Variants in NOM1 observed in about 807,000 individuals in gnomAD.
NOM1 encodes the protein nucleolar protein with MIF4G domain 1, also known as nucleolar MIF4G domain-containing protein 1.
In NOM1, 58 loss-of-function variants were observed where a neutral mutation model predicts 73.3. The ratio of observed to expected loss-of-function variants is 0.79; its 90% CI spans 0.64 to 0.99. The LOEUF (loss-of-function observed/expected upper bound fraction) is 0.99, where lower values mean the gene tolerates loss of function less well. Ranked by LOEUF, NOM1 falls within the 50% of genes least tolerant of loss-of-function variation. The pLI is 0.00. For synonymous variants in NOM1, 487 were observed against 446.8 expected, an observed-to-expected ratio of 1.09 and a Z score of -1.14; for missense variants, 1,226 against 1,131.9, an observed-to-expected ratio of 1.08 and a Z score of -1.19.
At chr7:156,957,729 CGCA>C (rs1300802941) in intron 3 of NOM1, among the ~76,000 whole-genome samples, 2 of 92,012 alleles carry the variant, frequency 2.2e-5, no homozygotes, top group African/African-American at 8.4e-5. Context: ...GAGCCGAGAT[CGCA>C]CCACTGCACT....
Position 156,952,474 on chromosome 7 carries a change from A to C in NOM1, c.988A>C (p.Ser330Arg). ...GTAATTTATTTCTCTTTTCAAGCAG[A>C]GTCTTTGTGGAAGTGGTGAAAAGTA... The part of the protein sequence containing the change: ...SSEDGDITDK[S>R]LCGSGEKYIP... The change falls in exon 2 of 11, where the codon AGT (serine) becomes CGT (arginine). Residue 330 changes from serine (S) to arginine (R), a missense_variant and splice_region_variant. Transcript: ENST00000275820. The C allele has an allele frequency of 6.2e-7, 1 of 1,607,556 alleles. No individual in the cohort carries two copies. Among genetic ancestry groups the C allele is most frequent in the Non-Finnish European group, 8.5e-7 (1 of 1,178,366 alleles).
In NOM1 at chr7:156,972,458, G is replaced by A. The variant is rs1434698893; in HGVS notation, c.*2755G>A. On this transcript the variant is annotated 3_prime_UTR_variant, in exon 11 of 11. Transcript: ENST00000275820. ...AAAACAAAAATACCTCTCTTTGCTAGAGAGTTATATGTATGACTTAAATTA... is the reference window on the plus strand; with the variant it reads ...AAAACAAAAATACCTCTCTTTGCTAAAGAGTTATATGTATGACTTAAATTA... 1 of 109,906 alleles carries A rather than the reference G, an allele frequency of 9.1e-6. No homozygotes were observed. The highest frequency in any genetic ancestry group is 2.1e-4 in the East Asian group (1 of 4,748). The allele number at this position is 109,906 out of a possible 1,614,324, so 6.8% of individuals were successfully genotyped here.
rs768036825 is a variant in NOM1 at position 156,960,172 on chromosome 7, A to G, written c.1630A>G (p.Arg544Gly). ...AGGCAGCGAGTTTCAGGACCAGACC[A>G]GGGTACGCGTGCGACGCTTGATCTG... ...GAGSEFQDQTRIRFMLETMLA... is the reference protein window; with the variant it reads ...GAGSEFQDQTGIRFMLETMLA... Residue 544 changes from arginine (R) to glycine (G), a missense_variant and splice_region_variant, in exon 4 of 11, where the codon AGG becomes GGG. Physicochemically the swap from Arg to Gly is moderately radical, Grantham distance 125. Transcript: ENST00000275820. 9.3e-6 allele frequency: 15 copies of G among 1,609,720 alleles called. No homozygotes were observed. The highest frequency in any genetic ancestry group is 8.9e-5 in the East Asian group (4 of 44,884).
rs549459707 is a variant in NOM1 at position 156,950,270 on chromosome 7, C to T, written c.533C>T (p.Ala178Val). The T allele has an allele frequency of 1.1e-4, 171 of 1,613,888 alleles. 1 individual carries two copies. The South Asian group carries it at 1.7e-3, about 16-fold the overall frequency. The change falls in exon 1 of 11, where the codon GCG becomes GTG. Residue 178 changes from alanine (A) to valine (V), a missense_variant. Coordinates refer to ENST00000275820, the MANE Select transcript of NOM1 (RefSeq NM_138400.2). The part of the protein sequence containing the change: ...AAARKRALLA[A>V]NEEEDREIRK... ...GCCCGGAAACGGGCGCTTTTAGCGG[C>T]GAACGAGGAGGAGGACCGAGAGATC...
At chr7:156,953,420 A>G (rs570809392) in intron 2 of NOM1, among the ~76,000 whole-genome samples, 3 of 152,248 alleles carry the variant, frequency 2.0e-5, no homozygotes, top group African/African-American at 7.2e-5. Flanking sequence ...GAGTCACCGC[A>G]CCGGGGCAGT....
intron 9 of NOM1, among the ~76,000 whole-genome samples, 181 bp downstream of exon 9, chr7:156,967,273 C>A (rs1056937717): frequency 1.3e-5 from 2 of 152,222 alleles, no homozygotes; most frequent in Non-Finnish European, 2.9e-5. Flanking sequence ...ACAAATTGAT[C>A]TGGTAAATGA....
At chr7:156,962,920 C>T (rs1441543104) in intron 5 of NOM1, 88 bp from the exon 6 acceptor site, 13 of 1,406,188 alleles carry the variant, frequency 9.2e-6, no homozygotes, top group Non-Finnish European at 1.1e-5. Flanking sequence ...CCAGAAATGT[C>T]ATGGTCAAAA....
intron 3 of NOM1, chr7:156,958,784 C>T (rs1001103837): frequency 2.6e-4 from 40 of 152,324 alleles, no homozygotes; most frequent in African/African-American, 9.2e-4. Flanking sequence ...ACTTCCGCCC[C>T]TCAGGGCAGT....
chr7:156,954,656 A>G (rs1341981386), intron 3 of NOM1, among the ~76,000 whole-genome samples: 1 of 150,266 alleles, frequency 6.7e-6, no homozygotes, highest in Non-Finnish European at 1.5e-5. Context: ...GCAGGCGCAC[A>G]CCACCAGGCC....
chr7:156,953,827 T>C (rs1804653561), intron 2 of NOM1, among the ~76,000 whole-genome samples: 1 of 152,226 alleles, frequency 6.6e-6, no homozygotes, highest in African/African-American at 2.4e-5. Context: ...TATCCTCACG[T>C]ATGTTTCTGT....
In NOM1 at chr7:156,967,084, A is replaced by G. The variant is rs767388087; in HGVS notation, c.2290A>G (p.Ile764Val). Residue 764 changes from isoleucine (I) to valine (V), a missense_variant, in exon 9 of 11, where the codon ATC (isoleucine) becomes GTC (valine). Physicochemically the swap from Ile to Val is conservative, Grantham distance 29. Transcript: ENST00000275820. ...LLKTKSLSLS[I>V]LKVVEFSELD... ...GAAGACAAAATCGCTTTCCCTTTCC[A>G]TCTTAAAGGTTCGTGTAACGTGTGA... The G allele has an allele frequency of 1.5e-5, 24 of 1,612,830 alleles. No individual in the cohort carries two copies. The South Asian group carries it at 2.3e-4, about 16-fold the overall frequency.
Position 156,950,581 on chromosome 7 carries a change from G to A in NOM1, c.844G>A (p.Asp282Asn). ...GCAGGAAGCAGAAGCGCAGAGCGAG[G>A]ACGACGACGAGGATACAGAAGAGGA... ...KAQEAEAQSE[D>N]DDEDTEEEQG... The change falls in exon 1 of 11, where the codon GAC becomes AAC. Residue 282 changes from aspartate to asparagine, a missense_variant. Transcript: ENST00000275820. The A allele has an allele frequency of 6.3e-7, 1 of 1,597,388 alleles. No homozygotes were observed. Among genetic ancestry groups the A allele is most frequent in the Non-Finnish European group, 8.5e-7 (1 of 1,171,426 alleles).
chr7:156,955,486 C>G (rs1355649295), intron 3 of NOM1, among the ~76,000 whole-genome samples: 1 of 147,692 alleles, frequency 6.8e-6, no homozygotes, highest in Non-Finnish European at 1.5e-5. Flanking sequence ...AAATGATAGT[C>G]TCTTTTAATG....
intron 6 of NOM1, 171 bp from the exon 7 acceptor site, chr7:156,963,734 A>T: frequency 1.6e-6 from 1 of 611,118 alleles, no homozygotes. Context: ...CTGTGGCTTC[A>T]CTATGTGTTC....
rs943457585 is a variant in NOM1 at position 156,962,162 on chromosome 7, G to A, written c.1644G>A (p.Met548Ile). The A allele has an allele frequency of 3.7e-6, 6 of 1,613,750 alleles. No homozygotes were observed. Among genetic ancestry groups the A allele is most frequent in the Non-Finnish European group, 4.2e-6 (5 of 1,179,734 alleles). The change falls in exon 5 of 11, where the codon ATG (methionine) becomes ATA (isoleucine). Residue 548 changes from methionine to isoleucine, a missense_variant. Transcript: ENST00000275820. ...CATTTTTCTTGAAGATTCGGTTTAT[G>A]CTAGAGACGATGTTGGCCCTGAAGA... ...EFQDQTRIRF[M>I]LETMLALKNN...
chr7:156,965,225 C>T (rs1804965258), intron 7 of NOM1, among the ~76,000 whole-genome samples: 1 of 152,192 alleles, frequency 6.6e-6, no homozygotes. Context: ...CAGCCTCAGC[C>T]GTATTCGGAT....
At position 156,950,622 on chromosome 7, in the gene NOM1, G is replaced by T. The variant is rs762510432; in HGVS notation, c.885G>T (p.Lys295Asn). 6.4e-7 allele frequency: 1 copy of T among 1,562,300 alleles called. No homozygotes were observed. Among genetic ancestry groups the T allele is most frequent in the South Asian group, 1.2e-5 (1 of 85,874 alleles). The change falls in exon 1 of 11, where the codon AAG becomes AAT. Residue 295 changes from lysine to asparagine, a missense_variant. By Grantham distance (94) the Lys-to-Asn change is moderately conservative. Transcript: ENST00000275820. ...EDTEEEQGEEKEKGAQEKRRG... is the reference protein window; with the variant it reads ...EDTEEEQGEENEKGAQEKRRG... ...CAGAAGAGGAACAGGGGGAAGAAAA[G>T]GAAAAGGGAGCGCAGGAGAAAAGGA...
Position 156,952,533 on chromosome 7 carries a change from A to C in NOM1, c.1047A>C (p.Thr349=). The C allele has an allele frequency of 6.2e-7, 1 of 1,614,082 alleles. No homozygotes were observed. Among genetic ancestry groups the C allele is most frequent in the Non-Finnish European group, 8.5e-7 (1 of 1,179,914 alleles). Residue 349 remains threonine (T), a synonymous_variant, in exon 2 of 11, where the codon ACA becomes ACC. Coordinates refer to ENST00000275820, the MANE Select transcript of NOM1 (RefSeq NM_138400.2). ...CTCATGTGAGGCAAGCTGAGGAGAC[A>C]GTGGACTTCAAGAAAAAGGAAGAAC... The part of the protein sequence containing the change: ...IPPHVRQAEE[T]VDFKKKEELE...
In NOM1 at chr7:156,968,192, C is replaced by A. The variant is rs57951188; in HGVS notation, c.2299-895C>A. 5.5e-3 allele frequency among the ~76,000 whole-genome samples: 834 copies of A among 152,258 alleles called. 15 individuals carry two copies. Among genetic ancestry groups the A allele is most frequent in the African/African-American group, 0.019 (778 of 41,550 alleles). ...CTTAGCTCATGGAGGAGGCGTTGCT[C>A]CCCCTCCGCTCCCCTGCCTTGCCTT... On this transcript the variant is annotated intron_variant, in intron 9 of 10. Coordinates refer to ENST00000275820, the MANE Select transcript of NOM1 (RefSeq NM_138400.2).
Sources: allele counts gnomAD v4.1 joint callset (sites outside exome capture counted in the v4.1 genomes callset), GRCh38; gene constraint gnomAD v4.1.1; transcripts MANE v1.5; gene names NCBI Gene and HGNC (gene_info 2026-07-23, HGNC 2026-07-21).